PCDHA3: variants seen among roughly 807,000 people sequenced by gnomAD.
The protein encoded by PCDHA3 is protocadherin alpha-3.
A neutral mutation model predicts 62.2 loss-of-function variants in PCDHA3; 41 were observed. The ratio of observed to expected loss-of-function variants is 0.66; its 90% CI spans 0.51 to 0.86. The LOEUF (loss-of-function observed/expected upper bound fraction) is 0.86. Among genes scored for constraint, PCDHA3 ranks in the 40% least tolerant of loss-of-function variants. The pLI, the probability that PCDHA3 is intolerant of heterozygous loss-of-function variation, is 0.00. For synonymous variants in PCDHA3, 640 were observed against 555.4 expected (o/e 1.15, Z -2.14); for missense variants, 1,304 against 1,241.2 (o/e 1.05, Z -0.76).
chr5:140,983,399 G>C (rs1486206101), intron 3 of PCDHA3, among the ~76,000 whole-genome samples: 1 of 152,148 alleles, frequency 6.6e-6, no homozygotes, highest in East Asian at 1.9e-4. Context: ...TTTCAGAAAG[G>C]GAAGATTAAG....
rs2150206938 is a variant in PCDHA3, at chr5:140,833,198, G to A, written c.2394+29607G>A. ...ATGACTGCAAGGATTAAATGAAGGA[G>A]AATGAAATAGGAATGGACAGGTTAC... On this transcript the variant is annotated intron_variant, in intron 1 of 3. Coordinates refer to ENST00000522353, the MANE Select transcript of PCDHA3 (RefSeq NM_018906.3). 2.0e-5 allele frequency among the ~76,000 whole-genome samples: 3 copies of A among 152,116 alleles called. No homozygotes were observed. In the East Asian group the frequency reaches 5.8e-4, roughly 29 times the overall value.
intron 3 of PCDHA3, among the ~76,000 whole-genome samples, chr5:140,997,279 A>G (rs1386656925): frequency 6.6e-6 from 1 of 152,166 alleles, no homozygotes; most frequent in Non-Finnish European, 1.5e-5. Flanking sequence ...TTCTTGCATC[A>G]CTTAACAATG....
At chr5:140,928,752 T>C (rs781823494) in intron 1 of PCDHA3, 3 of 1,614,208 alleles carry the variant, frequency 1.9e-6, no homozygotes, top group Non-Finnish European at 2.5e-6. Context: ...AGCTCCGTAC[T>C]GCTCGCTTAG....
chr5:140,870,879 G>T (rs1554164779), intron 1 of PCDHA3: 2 of 1,613,952 alleles, frequency 1.2e-6, no homozygotes, highest in African/African-American at 2.7e-5. Context: ...TGGTGGCGAA[G>T]GTGCGCGCAG....
chr5:140,956,137 A>C (rs374405911), intron 1 of PCDHA3, among the ~76,000 whole-genome samples: 1 of 152,114 alleles, frequency 6.6e-6, no homozygotes. Flanking sequence ...AATACCCTTT[A>C]TTTCTTTCTC....
At chr5:140,821,287 A>T (rs1180912699) in intron 1 of PCDHA3, among the ~76,000 whole-genome samples, 1 of 152,024 alleles carries the variant, frequency 6.6e-6, no homozygotes, top group Non-Finnish European at 1.5e-5. Context: ...AAATATATAA[A>T]CTCCTCCCTA....
intron 1 of PCDHA3, among the ~76,000 whole-genome samples, chr5:140,976,011 CTAAA>C (rs2096695708): frequency 6.6e-6 from 1 of 152,110 alleles, no homozygotes; most frequent in African/African-American, 2.4e-5. Context: ...TATTAAAGAA[CTAAA>C]TAATCACAGT....
At position 140,841,649 on chromosome 5, in the gene PCDHA3, G is replaced by A. The variant is rs2150320047; in HGVS notation, c.2394+38058G>A. 1.6e-5 allele frequency: 26 copies of A among 1,614,166 alleles called. No homozygotes were observed. In the Admixed American group the frequency reaches 3.2e-4, roughly 20 times the overall value. On this transcript the variant is annotated intron_variant, in intron 1 of 3. Transcript: ENST00000522353. ...GTGCAGCATCCACCTGGAGGTGATCGTGGACAGGCCGCTGCAGGTTTTCCA... is the reference window on the plus strand; with the variant it reads ...GTGCAGCATCCACCTGGAGGTGATCATGGACAGGCCGCTGCAGGTTTTCCA...
chr5:140,918,632 C>A (rs1182828125), intron 1 of PCDHA3, among the ~76,000 whole-genome samples: 1 of 152,164 alleles, frequency 6.6e-6, no homozygotes, highest in Non-Finnish European at 1.5e-5. Flanking sequence ...TCCCCAAATT[C>A]ATAAATTGAA....
chr5:140,967,386 T>TA, intron 1 of PCDHA3: 1 of 1,609,114 alleles, frequency 6.2e-7, no homozygotes, highest in Non-Finnish European at 8.5e-7. Context: ...AGTAAAGTGC[T>TA]TGAGCTGGTG....
In PCDHA3 at chr5:140,882,102, C is replaced by A. The variant is rs2058951166; in HGVS notation, c.2394+78511C>A. 1.4e-5 allele frequency: 18 copies of A among 1,308,166 alleles called. No individual in the cohort carries two copies. In the South Asian group the frequency reaches 2.1e-4, roughly 16 times the overall value. 81.0% of individuals were successfully genotyped at this position (1,308,166 alleles called of 1,614,324 possible). On this transcript the variant is annotated intron_variant, in intron 1 of 3. Transcript: ENST00000522353. ...TCGCTCTTCACTGAGAACGTTTCCG[C>A]GAAGAAAGCCGCCGTTTCTTTCTTC...
intron 1 of PCDHA3, among the ~76,000 whole-genome samples, chr5:140,951,182 C>T (rs782338729): frequency 9.2e-5 from 14 of 151,876 alleles, no homozygotes; most frequent in East Asian, 1.9e-4. Context: ...AGTCATTGTC[C>T]GCTAATTCCC....
chr5:140,881,039 A>G (rs1554171692), intron 1 of PCDHA3, among the ~76,000 whole-genome samples: 1 of 152,262 alleles, frequency 6.6e-6, no homozygotes, highest in Non-Finnish European at 1.5e-5. Context: ...CATTTCCTAT[A>G]GAGTTGTGCA....
intron 3 of PCDHA3, among the ~76,000 whole-genome samples, chr5:140,991,017 C>G (rs1440489095): frequency 6.6e-6 from 1 of 152,178 alleles, no homozygotes; most frequent in Non-Finnish European, 1.5e-5. Context: ...GTGATAAGCA[C>G]TTTACATATG....
intron 1 of PCDHA3, chr5:140,870,927 T>C (rs782446287): frequency 1.9e-6 from 3 of 1,613,880 alleles, no homozygotes; most frequent in Non-Finnish European, 2.5e-6. Context: ...GGCTTTCATA[T>C]GAATTGCAGC....
At chr5:140,947,648 T>C (rs1476825159) in intron 1 of PCDHA3, among the ~76,000 whole-genome samples, 1 of 151,646 alleles carries the variant, frequency 6.6e-6, no homozygotes, top group Non-Finnish European at 1.5e-5. Context: ...TGAACATATA[T>C]ACCTCCATTT....
chr5:140,993,203 A>T (rs1563587510), intron 3 of PCDHA3, among the ~76,000 whole-genome samples: 2 of 152,090 alleles, frequency 1.3e-5, no homozygotes, highest in African/African-American at 4.8e-5. Context: ...ACTAAAGCTA[A>T]TTTTTTTAGC....
chr5:140,844,335 A>G lies in PCDHA3; in HGVS notation c.2394+40744A>G, dbSNP rs1192632609. On this transcript the variant is annotated intron_variant, in intron 1 of 3. Transcript: ENST00000522353. The stretch of plus-strand genomic sequence containing the variant: ...TTCCTAATTTTATTATAAACTAGTT[A>G]AAAAGTAAAATCAAGAGGGAAGAGA... Among the ~76,000 whole-genome samples, 3 of 149,508 alleles carry G rather than the reference A, an allele frequency of 2.0e-5. No individual in the cohort carries two copies. In the South Asian group the frequency reaches 6.4e-4, roughly 32 times the overall value.
chr5:140,859,473 G>T (rs1486992699), intron 1 of PCDHA3: 1 of 209,794 alleles, frequency 4.8e-6, no homozygotes, highest in Non-Finnish European at 9.3e-6. Context: ...ACTATCAATT[G>T]TGTTTTCCTG....
Sources: gnomAD v4.1 joint callset for allele counts (sites outside exome capture counted in the v4.1 genomes callset) on GRCh38, gnomAD v4.1.1 for gene constraint, MANE v1.5 for transcripts, NCBI Gene and HGNC (gene_info 2026-07-23, HGNC 2026-07-21) for gene names.